Variants in ZSWIM6 observed in about 807,000 individuals in gnomAD.
ZSWIM6 encodes the protein zinc finger SWIM domain-containing protein 6.
A neutral mutation model predicts 113.2 loss-of-function variants in ZSWIM6; 9 were observed. The observed-to-expected ratio is 0.08, with a 90% CI of 0.05 to 0.14. The LOEUF is 0.14. Ranked by LOEUF, ZSWIM6 falls within the 10% of genes least tolerant of loss-of-function variation. ZSWIM6 has a pLI of 1.00. For missense variants in ZSWIM6, 1,162 were observed against 1,552.2 expected (o/e 0.75, Z 4.22); for synonymous variants, 611 against 606.5 (o/e 1.01, Z -0.11).
rs1387774052 is a variant in ZSWIM6 at position 61,535,597 on chromosome 5, A to G, written c.2359A>G (p.Lys787Glu). ...ACCTCACGATGCTGAATTGGCATAC[A>G]AAATTGCACTGAGAGCAATGCGGTA... ...LLPHDAELAY[K>E]IALRAMRLLV... The change falls in exon 10 of 14, where the codon AAA (lysine) becomes GAA (glutamate). Residue 787 changes from lysine (K) to glutamate (E), a missense_variant. Physicochemically the swap from Lys to Glu is moderately conservative, Grantham distance 56. This residue lies in a region of ZSWIM6 where 620 missense variants were observed against 804.6 expected (regional missense o/e 0.77). Coordinates refer to ENST00000252744, the MANE Select transcript of ZSWIM6 (RefSeq NM_020928.2). The G allele has an allele frequency of 3.9e-6, 6 of 1,551,370 alleles. No homozygotes were observed. In the South Asian group the frequency reaches 5.9e-5, roughly 15 times the overall value.
At chr5:61,446,075 C>A (rs1746946656) in intron 1 of ZSWIM6, among the ~76,000 whole-genome samples, 1 of 152,130 alleles carries the variant, frequency 6.6e-6, no homozygotes, top group Admixed American at 6.5e-5. Context: ...CTCTTGTCGC[C>A]AGGCTGAGTG....
At chr5:61,504,561 G>T (rs932551434) in intron 4 of ZSWIM6, among the ~76,000 whole-genome samples, 4 of 151,996 alleles carry the variant, frequency 2.6e-5, no homozygotes, top group Non-Finnish European at 2.9e-5. Flanking sequence ...TTGTTTTTTT[G>T]AATAAAATTA....
rs554100724 is a variant in ZSWIM6, at chr5:61,525,958, G to C, written c.1672G>C (p.Gly558Arg). ...DTENSLFDSRGWPLWHEHVPT... is the reference protein window; with the variant it reads ...DTENSLFDSRRWPLWHEHVPT... Reference sequence around the variant, plus strand: ...TGAAAACTCCCTCTTCGACTCCCGCGGGTGGCCCCTCTGGCATGGTAAGTG... The same window carrying C: ...TGAAAACTCCCTCTTCGACTCCCGCCGGTGGCCCCTCTGGCATGGTAAGTG... Residue 558 changes from glycine to arginine, a missense_variant, in exon 6 of 14, where the codon GGG becomes CGG. Physicochemically the swap from Gly to Arg is moderately radical, Grantham distance 125. Transcript: ENST00000252744. 380 of 1,551,960 alleles carry C rather than the reference G, an allele frequency of 2.4e-4. No individual in the cohort carries two copies. Among genetic ancestry groups the C allele is most frequent in the Non-Finnish European group, 3.2e-4 (366 of 1,147,054 alleles).
At chr5:61,461,168 T>A (rs1263426900) in intron 1 of ZSWIM6, among the ~76,000 whole-genome samples, 3 of 152,180 alleles carry the variant, frequency 2.0e-5, no homozygotes, top group Non-Finnish European at 1.5e-5. Context: ...CTCTCTCCCC[T>A]TCCCTGAGCC....
At chr5:61,429,295 C>T (rs1746530418) in intron 1 of ZSWIM6, among the ~76,000 whole-genome samples, 1 of 152,114 alleles carries the variant, frequency 6.6e-6, no homozygotes, top group Admixed American at 6.5e-5. Flanking sequence ...TAAAATTTAC[C>T]TGTATTGTAG....
intron 1 of ZSWIM6, among the ~76,000 whole-genome samples, chr5:61,333,357 G>A (rs1744309991): frequency 1.3e-5 from 2 of 152,022 alleles, no homozygotes; most frequent in Middle Eastern, 6.8e-3. Context: ...GCGGGGGAGG[G>A]GGCGCGGGCC....
intron 13 of ZSWIM6, 29 bp downstream of exon 13, chr5:61,541,994 C>A (rs1356105615): frequency 6.5e-7 from 1 of 1,532,072 alleles, no homozygotes; most frequent in South Asian, 1.2e-5. Context: ...AGAAGCTTTC[C>A]TAGGTGCCTC....
At chr5:61,364,957 G>A (rs1333570755) in intron 1 of ZSWIM6, among the ~76,000 whole-genome samples, 2 of 152,296 alleles carry the variant, frequency 1.3e-5, no homozygotes, top group Non-Finnish European at 2.9e-5. Context: ...AGTTATGACA[G>A]AAACTTTGGC....
At chr5:61,465,877 C>A (rs567920540) in intron 1 of ZSWIM6, among the ~76,000 whole-genome samples, 309 of 152,218 alleles carry the variant, frequency 2.0e-3, no homozygotes, top group African/African-American at 7.1e-3. Flanking sequence ...AAGATGAAAA[C>A]CACTTCATTA....
chr5:61,501,150 T>C (rs146916317), intron 4 of ZSWIM6, among the ~76,000 whole-genome samples: 1 of 152,326 alleles, frequency 6.6e-6, no homozygotes, highest in African/African-American at 2.4e-5. Context: ...CATGTTTTCT[T>C]TCCCTGTGCT....
intron 1 of ZSWIM6, among the ~76,000 whole-genome samples, chr5:61,456,279 A>G (rs1470437299): frequency 6.6e-6 from 1 of 152,188 alleles, no homozygotes; most frequent in Non-Finnish European, 1.5e-5. Context: ...AGAATCATCA[A>G]AGGGAATTAA....
chr5:61,400,701 T>G (rs1422727548), intron 1 of ZSWIM6, among the ~76,000 whole-genome samples: 1 of 152,228 alleles, frequency 6.6e-6, no homozygotes, highest in Non-Finnish European at 1.5e-5. Context: ...GCTGAATCCT[T>G]CTGAACCTTT....
chr5:61,390,092 C>T (rs1020202539), intron 1 of ZSWIM6, among the ~76,000 whole-genome samples: 2 of 152,160 alleles, frequency 1.3e-5, no homozygotes, highest in Non-Finnish European at 2.9e-5. Flanking sequence ...GTCAGCCTGC[C>T]TGCCTATCTG....
At chr5:61,340,517 A>G (rs1744520833) in intron 1 of ZSWIM6, among the ~76,000 whole-genome samples, 1 of 152,236 alleles carries the variant, frequency 6.6e-6, no homozygotes, top group African/African-American at 2.4e-5. Flanking sequence ...ATTTTTGTAA[A>G]TAAAATACTC....
At chr5:61,442,067 G>C (rs1487748201) in intron 1 of ZSWIM6, among the ~76,000 whole-genome samples, 1 of 152,108 alleles carries the variant, frequency 6.6e-6, no homozygotes, top group African/African-American at 2.4e-5. Flanking sequence ...TAAGGAAGAG[G>C]AGTTGGTCAA....
intron 1 of ZSWIM6, 60 bp downstream of exon 1, chr5:61,333,008 G>GGGGC: frequency 4.0e-6 from 2 of 498,926 alleles, no homozygotes; most frequent in Non-Finnish European, 5.6e-6. Flanking sequence ...GTGGGGGGGG[G>GGGGC]GTGCCCGCCT....
rs564751315 is a variant in ZSWIM6, at chr5:61,484,485, G to A, written c.1034-6301G>A. On this transcript the variant is annotated intron_variant, in intron 2 of 13. Transcript: ENST00000252744. ...GATATGTCAGATTTCAAAGGAGGAC[G>A]TTGGGAAGAATTTAAAAATAAAAGT... Among the ~76,000 whole-genome samples the A allele has an allele frequency of 4.6e-5, 7 of 152,320 alleles. No homozygotes were observed. The South Asian group carries it at 1.0e-3, about 23-fold the overall frequency.
chr5:61,534,186 T>G (rs78151547), intron 9 of ZSWIM6, among the ~76,000 whole-genome samples: 2,644 of 152,338 alleles, frequency 0.017, 62 homozygotes, highest in African/African-American at 0.057. Flanking sequence ...GCAGTCATAA[T>G]GCTATATGAA....
intron 4 of ZSWIM6, among the ~76,000 whole-genome samples, chr5:61,496,860 A>G (rs1281305927): frequency 1.3e-5 from 2 of 152,198 alleles, no homozygotes; most frequent in African/African-American, 4.8e-5. Context: ...ATTAAATGAA[A>G]AAAATGCCCA....
Sources: gnomAD v4.1 joint callset for allele counts (sites outside exome capture counted in the v4.1 genomes callset) on GRCh38, gnomAD v4.1.1 for gene constraint, gnomAD v4.1.1 regional missense constraint, MANE v1.5 for transcripts, NCBI Gene and HGNC (gene_info 2026-07-23, HGNC 2026-07-21) for gene names.